The following MDFIC variants were observed in gnomAD, a reference collection of about 807,000 sequenced individuals.
MDFIC encodes MyoD family inhibitor domain containing.
MDFIC carries 17 observed loss-of-function variants against 23.2 expected under a neutral mutation model. The observed-to-expected ratio is 0.73, with a 90% CI of 0.50 to 1.10. The LOEUF is 1.10. Ranked by LOEUF, MDFIC falls within the 50% of genes least tolerant of loss-of-function variation. The pLI, the probability that MDFIC is intolerant of heterozygous loss-of-function variation, is 0.00. For synonymous variants in MDFIC, 120 were observed against 115.2 expected, an observed-to-expected ratio of 1.04 and a Z score of -0.27; for missense variants, 356 against 316.6, an observed-to-expected ratio of 1.12 and a Z score of -0.95.
chr7:114,934,852 C>G (rs1291438570), intron 2 of MDFIC, among the ~76,000 whole-genome samples: 1 of 152,028 alleles, frequency 6.6e-6, no homozygotes, highest in African/African-American at 2.4e-5. Context: ...CATTTTTAAT[C>G]CATTTTAGAA....
chr7:114,929,015 T>G (rs1263687715), intron 2 of MDFIC, among the ~76,000 whole-genome samples: 1 of 151,632 alleles, frequency 6.6e-6, no homozygotes, highest in Non-Finnish European at 1.5e-5. Flanking sequence ...GATGAAATGA[T>G]ATGGTTGGGT....
intron 2 of MDFIC, among the ~76,000 whole-genome samples, chr7:114,940,751 T>C (rs1249021830): frequency 6.6e-6 from 1 of 152,194 alleles, no homozygotes; most frequent in African/African-American, 2.4e-5. Context: ...CCTAGCACAA[T>C]GCCTAAACAT....
intron 3 of MDFIC, among the ~76,000 whole-genome samples, chr7:114,977,055 A>G (rs1251966358): frequency 6.6e-6 from 1 of 152,174 alleles, no homozygotes; most frequent in African/African-American, 2.4e-5. Flanking sequence ...AAGACTAATT[A>G]AAACAGTAAG....
chr7:114,970,041 A>G (rs1196413935), intron 3 of MDFIC, among the ~76,000 whole-genome samples: 3 of 152,130 alleles, frequency 2.0e-5, no homozygotes, highest in African/African-American at 7.2e-5. Flanking sequence ...GGAATGCACC[A>G]TTTTTCCCTG....
chr7:114,967,609 C>T (rs1035507739), intron 3 of MDFIC, among the ~76,000 whole-genome samples: 1 of 152,004 alleles, frequency 6.6e-6, no homozygotes, highest in Non-Finnish European at 1.5e-5. Context: ...TATATGAGGG[C>T]CAGGTCTTTA....
chr7:115,015,887 C>A lies in MDFIC; in HGVS notation c.693C>A (p.Asp231Glu), dbSNP rs751258528. 4.3e-6 allele frequency: 7 copies of A among 1,614,148 alleles called. No individual in the cohort carries two copies. The highest frequency in any genetic ancestry group is 1.1e-5 in the South Asian group (1 of 91,086). ...TGGATGCCTGTTGTGAATCATCAGA[C>A]TGCTTGGAAATCTGTATGGAATGCT... ...GIMDACCESS[D>E]CLEICMECCG... The change falls in exon 5 of 5, where the codon GAC (aspartate) becomes GAA (glutamate). Residue 231 changes from aspartate (D) to glutamate (E), a missense_variant. Transcript: ENST00000393486.
At chr7:114,944,249 T>C (rs1792603076) in intron 3 of MDFIC, among the ~76,000 whole-genome samples, 2 of 152,158 alleles carry the variant, frequency 1.3e-5, no homozygotes, top group Non-Finnish European at 2.9e-5. Context: ...ACACCCCCTC[T>C]GAAAGGGCTG....
intron 3 of MDFIC, among the ~76,000 whole-genome samples, chr7:114,967,139 T>C (rs1025893591): frequency 6.6e-5 from 10 of 152,192 alleles, no homozygotes; most frequent in Admixed American, 2.6e-4. Flanking sequence ...TCTGAACATT[T>C]GCATCTTTCT....
intron 2 of MDFIC, among the ~76,000 whole-genome samples, chr7:114,940,035 A>G (rs1479156601): frequency 6.6e-6 from 1 of 152,196 alleles, no homozygotes; most frequent in Admixed American, 6.5e-5. Context: ...CTGTAGCAGT[A>G]AAAAGATTTC....
chr7:114,923,714 C>A, intron 2 of MDFIC: 1 of 1,269,528 alleles, frequency 7.9e-7, no homozygotes, highest in Non-Finnish European at 1.0e-6. Context: ...ACACACACAG[C>A]CTATAAAATA....
intron 2 of MDFIC, among the ~76,000 whole-genome samples, chr7:114,930,024 A>G (rs963958150): frequency 2.6e-5 from 4 of 152,192 alleles, no homozygotes; most frequent in Non-Finnish European, 5.9e-5. Flanking sequence ...AAATGGTAAC[A>G]TTTTCTGAGA....
intron 4 of MDFIC, among the ~76,000 whole-genome samples, chr7:114,984,065 C>T (rs1793466267): frequency 6.6e-6 from 1 of 152,130 alleles, no homozygotes; most frequent in Non-Finnish European, 1.5e-5. Context: ...TCTGGTTCCA[C>T]AATCCATGTT....
intron 4 of MDFIC, chr7:115,014,677 A>T (rs774843683): frequency 4.1e-6 from 2 of 492,404 alleles, no homozygotes; most frequent in Non-Finnish European, 6.0e-6. Flanking sequence ...AAAAATTCAC[A>T]ACTATTTCTG....
At chr7:114,948,380 T>C (rs937750902) in intron 3 of MDFIC, among the ~76,000 whole-genome samples, 1 of 152,202 alleles carries the variant, frequency 6.6e-6, no homozygotes. Flanking sequence ...GAAGTTCTTA[T>C]GGTAGTGCTC....
chr7:114,956,501 G>C (rs1167354913), intron 3 of MDFIC, among the ~76,000 whole-genome samples: 3 of 152,036 alleles, frequency 2.0e-5, no homozygotes, highest in African/African-American at 7.2e-5. Flanking sequence ...GATAGGTAGA[G>C]AATCAGCATA....
rs1422294411 is a variant in MDFIC at position 115,019,690 on chromosome 7, C to T, written c.*3755C>T. Among the ~76,000 whole-genome samples the T allele has an allele frequency of 6.6e-6, 1 of 152,090 alleles. No homozygotes were observed. The highest frequency in any genetic ancestry group is 1.5e-5 in the Non-Finnish European group (1 of 67,970). ...GGCCTGTAGGATTGTTGCATCTAATCTGACTGGCAACAGAAAATGTCATCA... is the reference window on the plus strand; with the variant it reads ...GGCCTGTAGGATTGTTGCATCTAATTTGACTGGCAACAGAAAATGTCATCA... On this transcript the variant is annotated 3_prime_UTR_variant, in exon 5 of 5. Coordinates refer to ENST00000393486, the MANE Select transcript of MDFIC (RefSeq NM_001166345.3).
intron 3 of MDFIC, among the ~76,000 whole-genome samples, chr7:114,953,483 T>C (rs987762999): frequency 1.3e-5 from 2 of 152,222 alleles, no homozygotes; most frequent in African/African-American, 4.8e-5. Flanking sequence ...GTTACCAATC[T>C]GGTCCTGGAT....
At chr7:115,014,711 A>G (rs945454806) in intron 4 of MDFIC, among the ~76,000 whole-genome samples, 1 of 152,210 alleles carries the variant, frequency 6.6e-6, no homozygotes, top group African/African-American at 2.4e-5. Context: ...GTTTTATAAC[A>G]TTGGTTTTAA....
chr7:114,958,208 T>G, intron 3 of MDFIC, among the ~76,000 whole-genome samples: 1 of 152,342 alleles, frequency 6.6e-6, no homozygotes, highest in Non-Finnish European at 1.5e-5. Flanking sequence ...CTTGCAGAGC[T>G]TAATTCTAAT....
Sources: allele counts gnomAD v4.1 joint callset (sites outside exome capture counted in the v4.1 genomes callset), GRCh38; gene constraint gnomAD v4.1.1; transcripts MANE v1.5; gene names NCBI Gene and HGNC (gene_info 2026-07-23, HGNC 2026-07-21).